ZZEF1: variants seen among roughly 807,000 people sequenced by gnomAD.
ZZEF1 encodes zinc finger ZZ-type and EF-hand domain containing 1, also known as zinc finger ZZ-type and EF-hand domain-containing protein 1.
Under a neutral mutation model 342.8 loss-of-function variants are expected in ZZEF1, and 157 were observed. The ratio of observed to expected loss-of-function variants is 0.46; its 90% CI spans 0.40 to 0.52. ZZEF1 has a LOEUF of 0.52. Ranked by LOEUF, ZZEF1 falls within the 20% of genes least tolerant of loss-of-function variation. The pLI is 0.00. For synonymous variants in ZZEF1, 1,505 were observed against 1,429.1 expected, an observed-to-expected ratio of 1.05 and a Z score of -1.20; for missense variants, 3,480 against 3,725.6, an observed-to-expected ratio of 0.93 and a Z score of 1.72.
At chr17:4,095,130 C>T (rs902340544) in intron 11 of ZZEF1, among the ~76,000 whole-genome samples, 2 of 152,182 alleles carry the variant, frequency 1.3e-5, no homozygotes, top group African/African-American at 4.8e-5. Context: ...CAATGCGGGA[C>T]CTGCCCGTTC....
intron 9 of ZZEF1, among the ~76,000 whole-genome samples, chr17:4,100,886 G>T (rs759262293): frequency 7.9e-5 from 12 of 152,064 alleles, no homozygotes; most frequent in Non-Finnish European, 1.5e-4. Context: ...ACATGCTCCA[G>T]GAACAAAAAT....
In ZZEF1 at chr17:4,114,280, A is replaced by G; in HGVS notation, c.866+19T>C. 1 of 1,497,156 alleles carries G rather than the reference A, an allele frequency of 6.7e-7. No individual in the cohort carries two copies. The highest frequency in any genetic ancestry group is 8.9e-7 in the Non-Finnish European group (1 of 1,122,276). 92.7% of individuals were successfully genotyped at this position (1,497,156 alleles called of 1,614,324 possible). A position where few individuals can be genotyped will look rare whatever the true frequency, so the allele number is the denominator to read the frequency against. On this transcript the variant is annotated intron_variant, in intron 4 of 54. Coordinates refer to ENST00000381638, the MANE Select transcript of ZZEF1 (RefSeq NM_015113.4). ...AATCCAAAATTTTAAAAAACAAAAA[A>G]GTATTATATACCACCCACCGAATCC...
At chr17:4,032,294 A>AAACATGGAGAC in intron 41 of ZZEF1, 36 bp from the exon 42 acceptor site, 1 of 1,596,706 alleles carries the variant, frequency 6.3e-7, no homozygotes, top group Non-Finnish European at 8.5e-7. Context: ...AAGGCAACTC[A>AAACATGGAGAC]AACATGGAGA....
rs1238961693 is a variant in ZZEF1 at position 4,142,907 on chromosome 17, C to T, written c.-12G>A. On this transcript the variant is annotated 5_prime_UTR_variant, in exon 1 of 55. Transcript: ENST00000381638. ...GGAGCGTTCCCCATGGGGTCTCCGT[C>T]TTGGGCGCCTGGCTCTGCAGCCGCC... 1 of 1,321,278 alleles carries T rather than the reference C, an allele frequency of 7.6e-7. No homozygotes were observed. Among genetic ancestry groups the T allele is most frequent in the Non-Finnish European group, 9.6e-7 (1 of 1,040,964 alleles). The allele number at this position is 1,321,278 out of a possible 1,614,324, so 81.8% of individuals were successfully genotyped here. A position where few individuals can be genotyped will look rare whatever the true frequency, so the allele number is the denominator to read the frequency against.
intron 1 of ZZEF1, among the ~76,000 whole-genome samples, chr17:4,136,922 T>C (rs926231652): frequency 2.6e-5 from 4 of 152,102 alleles, no homozygotes; most frequent in Non-Finnish European, 4.4e-5. Context: ...TCCATGCTGC[T>C]GGTAACTGCT....
intron 39 of ZZEF1, among the ~76,000 whole-genome samples, chr17:4,038,426 G>A (rs1257610032): frequency 6.6e-6 from 1 of 152,172 alleles, no homozygotes; most frequent in Non-Finnish European, 1.5e-5. Flanking sequence ...TCATATAATG[G>A]AATTCTGGAT....
At chr17:4,080,743 C>T (rs1225902225) in intron 18 of ZZEF1, among the ~76,000 whole-genome samples, 1 of 150,922 alleles carries the variant, frequency 6.6e-6, no homozygotes, top group Non-Finnish European at 1.5e-5. Context: ...ACACCACTAA[C>T]ACATATCTGT....
At position 4,077,359 on chromosome 17, in the gene ZZEF1, T is replaced by G. The variant is rs77871863; in HGVS notation, c.2990-370A>C. Among the ~76,000 whole-genome samples, 785 of 152,268 alleles carry G rather than the reference T, an allele frequency of 5.2e-3. 7 individuals are homozygous for G. Among genetic ancestry groups the G allele is most frequent in the African/African-American group, 0.018 (745 of 41,542 alleles). On this transcript the variant is annotated intron_variant, in intron 19 of 54. Transcript: ENST00000381638. ...AAGCTCTAGGTGGCAGGACCCAATA[T>G]AAGTGTTTTCGTCACAGCTGCTGGG...
At chr17:4,104,397 C>A (rs17763879) in intron 8 of ZZEF1, among the ~76,000 whole-genome samples, 11,669 of 152,152 alleles carry the variant, frequency 0.077, 530 homozygotes, top group South Asian at 0.13. Flanking sequence ...GCCTTGTGGA[C>A]AATCAAGTGT....
At chr17:4,033,086 C>G in intron 40 of ZZEF1, 84 bp from the exon 41 acceptor site, 1 of 1,343,616 alleles carries the variant, frequency 7.4e-7, no homozygotes, top group Non-Finnish European at 1.0e-6. Context: ...AAGGCAGACC[C>G]AGAAGCCTTC....
At chr17:4,039,944 G>A (rs1597798830) in intron 39 of ZZEF1, among the ~76,000 whole-genome samples, 1 of 151,988 alleles carries the variant, frequency 6.6e-6, no homozygotes, top group African/African-American at 2.4e-5. Context: ...GTGCCCAGCC[G>A]AGAACATCTT....
intron 41 of ZZEF1, among the ~76,000 whole-genome samples, chr17:4,032,477 G>A (rs2056570412): frequency 6.6e-6 from 1 of 152,178 alleles, no homozygotes; most frequent in Non-Finnish European, 1.5e-5. Context: ...AGCCCCCTTT[G>A]TCCTAATCAG....
At chr17:4,071,025 G>A in intron 25 of ZZEF1, 101 bp from the exon 26 acceptor site, 3 of 1,362,218 alleles carry the variant, frequency 2.2e-6, no homozygotes, top group Middle Eastern at 2.0e-4. Context: ...AAAACACAGT[G>A]AACACTCTCC....
At chr17:4,086,308 CCACAGCGGCAA>C (rs1302423600) in intron 15 of ZZEF1, among the ~76,000 whole-genome samples, 167 bp downstream of exon 15, 1 of 145,826 alleles carries the variant, frequency 6.9e-6, no homozygotes, top group African/African-American at 2.7e-5. Flanking sequence ...TGGGGGATTC[CCACAGCGGCAA>C]TCCCTTTCTG....
In ZZEF1 at chr17:4,017,270, G is replaced by A; in HGVS notation, c.8001+101C>T. 6.8e-7 allele frequency: 1 copy of A among 1,479,768 alleles called. No homozygotes were observed. The highest frequency in any genetic ancestry group is 1.4e-5 in the African/African-American group (1 of 71,888). The allele number at this position is 1,479,768 out of a possible 1,614,324, so 91.7% of individuals were successfully genotyped here. Reference sequence around the variant, plus strand: ...TTCACACCTGTCAGGGAGCTGCACAGCCACACAGGTAGCCTCGCTCCAGGA... The same window carrying A: ...TTCACACCTGTCAGGGAGCTGCACAACCACACAGGTAGCCTCGCTCCAGGA... On this transcript the variant is annotated intron_variant, in intron 48 of 54. Transcript: ENST00000381638. This position sits in a 1 kb window ranked among gnomAD's most constrained non-coding sequence, Gnocchi z 5.1.
At chr17:4,140,138 T>C (rs896712712) in intron 1 of ZZEF1, among the ~76,000 whole-genome samples, 5 of 152,232 alleles carry the variant, frequency 3.3e-5, no homozygotes, top group Non-Finnish European at 4.4e-5. Context: ...ACATCAATCT[T>C]GGACTGCCTA....
At position 4,143,017 on chromosome 17, in the gene ZZEF1, G is replaced by A. The variant is rs2058897142; in HGVS notation, c.-122C>T. On this transcript the variant is annotated 5_prime_UTR_variant, in exon 1 of 55. Transcript: ENST00000381638. ...GGAGGAGACGACGGCGGCCCCTGCG[G>A]CTTCCGGCTTCCTGGCCGTCAAGCG... 2 of 1,268,932 alleles carry A rather than the reference G, an allele frequency of 1.6e-6. No homozygotes were observed. 78.6% of individuals were successfully genotyped at this position (1,268,932 alleles called of 1,614,324 possible).
intron 18 of ZZEF1, among the ~76,000 whole-genome samples, chr17:4,080,783 G>C (rs921997738): frequency 6.6e-6 from 1 of 152,084 alleles, no homozygotes; most frequent in African/African-American, 2.4e-5. Flanking sequence ...CCACTACAAG[G>C]GGACTTGATA....
intron 19 of ZZEF1, among the ~76,000 whole-genome samples, chr17:4,077,603 C>T (rs1372126848): frequency 1.3e-5 from 2 of 152,092 alleles, no homozygotes; most frequent in African/African-American, 2.4e-5. Flanking sequence ...CGAGACATCA[C>T]GTAAGAGTGC....
Sources: allele counts gnomAD v4.1 joint callset (sites outside exome capture counted in the v4.1 genomes callset), GRCh38; gene constraint gnomAD v4.1.1; non-coding constraint Gnocchi (gnomAD v3.1); transcripts MANE v1.5; gene names NCBI Gene and HGNC (gene_info 2026-07-23, HGNC 2026-07-21).